CAVIN1: variants seen among roughly 807,000 people sequenced by gnomAD.
The protein encoded by CAVIN1 is caveolae-associated protein 1.
Under a neutral mutation model 24.0 loss-of-function variants are expected in CAVIN1, and 16 were observed. That is an observed-to-expected ratio of 0.67 (90% CI 0.45 to 1.01). The LOEUF (loss-of-function observed/expected upper bound fraction) is 1.01. Ranked by LOEUF, CAVIN1 falls within the 50% of genes least tolerant of loss-of-function variation. The pLI is 0.00. For synonymous variants in CAVIN1, 256 were observed against 256.4 expected, an observed-to-expected ratio of 1.00 and a Z score of 0.02; for missense variants, 510 against 551.7, an observed-to-expected ratio of 0.92 and a Z score of 0.76.
chr17:42,411,665 G>T, intron 1 of CAVIN1: 2 of 985,444 alleles, frequency 2.0e-6, no homozygotes, highest in Non-Finnish European at 2.4e-6. Context: ...TGAGCCTCAT[G>T]ATGGCCCTCT....
intron 1 of CAVIN1, among the ~76,000 whole-genome samples, chr17:42,407,398 A>C (rs1029599405): frequency 1.3e-5 from 2 of 151,742 alleles, no homozygotes; most frequent in African/African-American, 4.8e-5. Context: ...ACACACACAC[A>C]CCCCTATACA....
intron 1 of CAVIN1, among the ~76,000 whole-genome samples, chr17:42,411,192 C>CAA (rs71157624): frequency 0.097 from 4,507 of 46,658 alleles, 452 homozygotes; most frequent in Middle Eastern, 0.29. Context: ...GACTATGTCT[C>CAA]AAAAAAAAAA....
At chr17:42,420,035 A>C (rs993270906) in intron 1 of CAVIN1, among the ~76,000 whole-genome samples, 1 of 151,988 alleles carries the variant, frequency 6.6e-6, no homozygotes, top group African/African-American at 2.4e-5. Flanking sequence ...GGAAGGCCAG[A>C]TGTCTCCATC....
Position 42,422,755 on chromosome 17 carries a change from G to T in CAVIN1, c.343C>A (p.Arg115Ser), listed in dbSNP as rs751034060. ...NTVSKLLEKV[R>S]KVSVNVKTVR... ...GTCTTCACGTTGACGCTGACCTTGC[G>T]CACCTTCTCCAGCAGCTTGCTCACC... Residue 115 changes from arginine to serine, a missense_variant, in exon 1 of 2, where the codon CGC becomes AGC. Coordinates refer to ENST00000357037, the MANE Select transcript of CAVIN1 (RefSeq NM_012232.6). 15 of 1,612,510 alleles carry T rather than the reference G, an allele frequency of 9.3e-6. No individual in the cohort carries two copies. Among genetic ancestry groups the T allele is most frequent in the Non-Finnish European group, 1.3e-5 (15 of 1,179,454 alleles).
intron 1 of CAVIN1, among the ~76,000 whole-genome samples, chr17:42,414,700 T>C (rs905813673): frequency 3.3e-5 from 5 of 152,246 alleles, no homozygotes; most frequent in Admixed American, 2.0e-4. Flanking sequence ...GGCGGCACTA[T>C]TGGACTCAGG....
At chr17:42,411,207 A>AAAAC (rs758609413) in intron 1 of CAVIN1, among the ~76,000 whole-genome samples, 1 of 127,528 alleles carries the variant, frequency 7.8e-6, no homozygotes, top group East Asian at 3.2e-4. Context: ...AAAAAAAAAA[A>AAAAC]AACTAAAAGG....
chr17:42,420,107 A>C (rs2085536424), intron 1 of CAVIN1, among the ~76,000 whole-genome samples: 5 of 149,584 alleles, frequency 3.3e-5, no homozygotes, highest in Admixed American at 6.7e-5. Flanking sequence ...CCACATCATC[A>C]CCTCCCACCC....
chr17:42,408,312 G>C (rs1446419474), intron 1 of CAVIN1, among the ~76,000 whole-genome samples: 5 of 151,936 alleles, frequency 3.3e-5, no homozygotes, highest in Admixed American at 6.6e-5. Context: ...GAGCTGGCTG[G>C]TTTTCCTGGC....
At chr17:42,417,118 C>T (rs1263029605) in intron 1 of CAVIN1, among the ~76,000 whole-genome samples, 2 of 152,090 alleles carry the variant, frequency 1.3e-5, no homozygotes, top group South Asian at 2.1e-4. Flanking sequence ...CGCATAGCAA[C>T]GTTTCAGTCA....
At position 42,405,449 on chromosome 17, in the gene CAVIN1, A is replaced by G. The variant is rs923128350; in HGVS notation, c.472-61T>C. ...GAGGAGGCGGATGTGGGCGAGCCTG[A>G]GTCAGGGTGGTGACGATCCTGGAGA... On this transcript the variant is annotated intron_variant, in intron 1 of 1. Transcript: ENST00000357037. 17 of 1,561,348 alleles carry G rather than the reference A, an allele frequency of 1.1e-5. No homozygotes were observed. In the African/African-American group the frequency reaches 2.3e-4, roughly 21 times the overall value.
chr17:42,410,805 G>A (rs985014615), intron 1 of CAVIN1, among the ~76,000 whole-genome samples: 6 of 145,338 alleles, frequency 4.1e-5, no homozygotes, highest in Non-Finnish European at 6.0e-5. Flanking sequence ...CCAGCTACTC[G>A]GGAGGCTGAA....
intron 1 of CAVIN1, among the ~76,000 whole-genome samples, chr17:42,420,812 G>A (rs2085540366): frequency 6.6e-6 from 1 of 152,074 alleles, no homozygotes; most frequent in African/African-American, 2.4e-5. Context: ...AGGTTCTATG[G>A]TCTGGGATAG....
chr17:42,408,387 G>T (rs559986053), intron 1 of CAVIN1, among the ~76,000 whole-genome samples: 7 of 152,266 alleles, frequency 4.6e-5, no homozygotes, highest in Admixed American at 1.3e-4. Flanking sequence ...TGGGGAGAGA[G>T]CTGCAGACTT....
chr17:42,409,622 T>G (rs2085464441), intron 1 of CAVIN1, among the ~76,000 whole-genome samples: 1 of 152,024 alleles, frequency 6.6e-6, no homozygotes, highest in Admixed American at 6.6e-5. Context: ...CCATTAGCTT[T>G]TCCTCTCCAC....
In CAVIN1 at chr17:42,404,686, C is replaced by T. The variant is rs761483448; in HGVS notation, c.*1G>A. On this transcript the variant is annotated 3_prime_UTR_variant, in exon 2 of 2. Transcript: ENST00000357037. ...ATGGGGTGGGTGGCAGCGGGGGCGG[C>T]TCAGTCGCTGTCGCTCTTGTCCACC... The T allele has an allele frequency of 6.2e-6, 9 of 1,453,490 alleles. No homozygotes were observed. The highest frequency in any genetic ancestry group is 1.5e-5 in the African/African-American group (1 of 67,994). The allele number at this position is 1,453,490 out of a possible 1,614,324, so 90.0% of individuals were successfully genotyped here. A position where few individuals can be genotyped will look rare whatever the true frequency, so the allele number is the denominator to read the frequency against.
In CAVIN1 at chr17:42,404,863, C is replaced by T; in HGVS notation, c.997G>A (p.Val333Met). ...ATCTCGGTGGCCTTGAGCACTTCCACCTGGCCCTCGCGGATCTTCTTGACG... is the reference window on the plus strand; with the variant it reads ...ATCTCGGTGGCCTTGAGCACTTCCATCTGGCCCTCGCGGATCTTCTTGACG... ...FHVKKIREGQ[V>M]EVLKATEMVE... is the part of the protein sequence containing the mutation. The change falls in exon 2 of 2, where the codon GTG (valine) becomes ATG (methionine). Residue 333 changes from valine to methionine, a missense_variant. Transcript: ENST00000357037. The T allele has an allele frequency of 6.2e-7, 1 of 1,613,514 alleles. No homozygotes were observed. The highest frequency in any genetic ancestry group is 8.5e-7 in the Non-Finnish European group (1 of 1,179,756).
At chr17:42,413,982 C>T (rs989463301) in intron 1 of CAVIN1, among the ~76,000 whole-genome samples, 11 of 152,174 alleles carry the variant, frequency 7.2e-5, no homozygotes, top group Non-Finnish European at 1.6e-4. Context: ...ACTGCAACCT[C>T]TGCCTCCTGA....
At chr17:42,406,414 G>A (rs1042821698) in intron 1 of CAVIN1, among the ~76,000 whole-genome samples, 2 of 143,382 alleles carry the variant, frequency 1.4e-5, no homozygotes, top group Admixed American at 7.1e-5. Flanking sequence ...TCGCTTTGTC[G>A]CCCAGGCTGC....
chr17:42,412,055 C>T lies in CAVIN1; in HGVS notation c.472-6667G>A, dbSNP rs941871005. 11 of 985,278 alleles carry T rather than the reference C, an allele frequency of 1.1e-5. No individual in the cohort carries two copies. In the African/African-American group the frequency reaches 1.7e-4, roughly 16 times the overall value. The allele number at this position is 985,278 out of a possible 1,614,324, so 61.0% of individuals were successfully genotyped here. On this transcript the variant is annotated intron_variant, in intron 1 of 1. Coordinates refer to ENST00000357037, the MANE Select transcript of CAVIN1 (RefSeq NM_012232.6). ...GGATCCGGGAGACCCTAAACACTCC[C>T]ACCGGCTGTCAGCTCCTCTGGGGTG...
Sources: gnomAD v4.1 joint callset for allele counts (sites outside exome capture counted in the v4.1 genomes callset) on GRCh38, gnomAD v4.1.1 for gene constraint, MANE v1.5 for transcripts, NCBI Gene and HGNC (gene_info 2026-07-23, HGNC 2026-07-21) for gene names.